Variants in RAP1GDS1 observed in about 807,000 individuals in gnomAD.
RAP1GDS1 encodes the protein RAP1, GTP-GDP dissociation stimulator 1.
Under a neutral mutation model 71.1 loss-of-function variants are expected in RAP1GDS1, and 35 were observed. That is an observed-to-expected ratio of 0.49 (90% CI 0.38 to 0.65). RAP1GDS1 has a LOEUF of 0.65. RAP1GDS1 is among the 30% of genes least tolerant of loss of function. The pLI, the probability that RAP1GDS1 is intolerant of heterozygous loss-of-function variation, is 0.00. For missense variants in RAP1GDS1, 663 were observed against 706.1 expected (o/e 0.94, Z 0.69); for synonymous variants, 229 against 243.1 (o/e 0.94, Z 0.54).
chr4:98,278,948 C>T (rs28472340), intron 1 of RAP1GDS1, among the ~76,000 whole-genome samples: 6,447 of 152,056 alleles, frequency 0.042, 321 homozygotes, highest in African/African-American at 0.12. Flanking sequence ...CTAGGCCGGG[C>T]GCGGTGGCTC....
chr4:98,289,571 A>G (rs924827600), intron 1 of RAP1GDS1, among the ~76,000 whole-genome samples: 2 of 150,346 alleles, frequency 1.3e-5, no homozygotes, highest in Non-Finnish European at 3.0e-5. Context: ...AAAAAAAAAA[A>G]AAAAGAAAGA....
intron 12 of RAP1GDS1, among the ~76,000 whole-genome samples, chr4:98,422,757 G>A (rs1451000581): frequency 6.6e-6 from 1 of 152,216 alleles, no homozygotes; most frequent in Non-Finnish European, 1.5e-5. Flanking sequence ...AGCCTCAGGA[G>A]TGTTCTTCTC....
intron 2 of RAP1GDS1, among the ~76,000 whole-genome samples, chr4:98,334,933 A>AG (rs1270278971): frequency 2.6e-5 from 4 of 151,544 alleles, no homozygotes; most frequent in African/African-American, 7.3e-5. Flanking sequence ...AAAAAAAAAA[A>AG]AGAGATGGGG....
chr4:98,437,791 CA>C (rs374755985), intron 14 of RAP1GDS1, among the ~76,000 whole-genome samples: 12,457 of 124,758 alleles, frequency 0.1, 573 homozygotes, highest in Admixed American at 0.17. Flanking sequence ...GACTCTGTCT[CA>C]AAAAAAAAAA....
At chr4:98,333,393 T>C (rs966473552) in intron 2 of RAP1GDS1, among the ~76,000 whole-genome samples, 1 of 152,208 alleles carries the variant, frequency 6.6e-6, no homozygotes, top group African/African-American at 2.4e-5. Context: ...TCAGTACTTT[T>C]ATAGATGAGA....
At chr4:98,346,801 C>T (rs1736372642) in intron 3 of RAP1GDS1, among the ~76,000 whole-genome samples, 1 of 152,168 alleles carries the variant, frequency 6.6e-6, no homozygotes, top group South Asian at 2.1e-4. Flanking sequence ...ACCTTGGTCT[C>T]CCAAAGTGCT....
intron 1 of RAP1GDS1, among the ~76,000 whole-genome samples, chr4:98,291,458 C>T (rs1247911483): frequency 6.6e-6 from 1 of 152,210 alleles, no homozygotes; most frequent in Non-Finnish European, 1.5e-5. Flanking sequence ...TCTGGAATTA[C>T]ACAAAAAGTA....
At chr4:98,422,148 C>T (rs1326452989) in intron 12 of RAP1GDS1, among the ~76,000 whole-genome samples, 1 of 151,932 alleles carries the variant, frequency 6.6e-6, no homozygotes, top group Non-Finnish European at 1.5e-5. Context: ...TGCAGAGAGC[C>T]GAGATTGCAC....
intron 14 of RAP1GDS1, among the ~76,000 whole-genome samples, chr4:98,439,353 C>T (rs971873089): frequency 5.3e-5 from 8 of 152,146 alleles, no homozygotes; most frequent in Admixed American, 1.3e-4. Flanking sequence ...ACTTTCTTTG[C>T]GTTTAGTATT....
intron 4 of RAP1GDS1, among the ~76,000 whole-genome samples, chr4:98,367,740 C>G: frequency 6.6e-6 from 1 of 152,226 alleles, no homozygotes; most frequent in East Asian, 1.9e-4. Context: ...TTCAGACTTG[C>G]ATGCAGCCTG....
chr4:98,384,190 C>T (rs1409581710), intron 5 of RAP1GDS1, among the ~76,000 whole-genome samples: 1 of 149,562 alleles, frequency 6.7e-6, no homozygotes, highest in Non-Finnish European at 1.5e-5. Context: ...TTTTATTTTT[C>T]CTCTATTTAT....
chr4:98,433,441 T>G (rs1750719838), intron 12 of RAP1GDS1, among the ~76,000 whole-genome samples: 1 of 152,092 alleles, frequency 6.6e-6, no homozygotes, highest in Non-Finnish European at 1.5e-5. Flanking sequence ...ACTGCAGATG[T>G]GTGCCACCAT....
chr4:98,368,819 A>G (rs992441705), intron 4 of RAP1GDS1, among the ~76,000 whole-genome samples: 6 of 152,200 alleles, frequency 3.9e-5, no homozygotes, highest in African/African-American at 1.2e-4. Flanking sequence ...TAAATCAGCT[A>G]AAGTTCCACT....
intron 4 of RAP1GDS1, among the ~76,000 whole-genome samples, chr4:98,362,293 G>A (rs965897460): frequency 2.0e-5 from 3 of 152,066 alleles, no homozygotes; most frequent in East Asian, 1.9e-4. Flanking sequence ...TAGCCTGGGC[G>A]TCATAGCAAG....
chr4:98,389,931 G>T (rs1305330749), intron 5 of RAP1GDS1, among the ~76,000 whole-genome samples: 1 of 152,058 alleles, frequency 6.6e-6, no homozygotes, highest in African/African-American at 2.4e-5. Context: ...GAACTGAGGG[G>T]GTGTGTGATG....
At chr4:98,435,989 T>G (rs1295582473) in intron 13 of RAP1GDS1, among the ~76,000 whole-genome samples, 1 of 151,094 alleles carries the variant, frequency 6.6e-6, no homozygotes, top group Non-Finnish European at 1.5e-5. Flanking sequence ...GAGAATGGCG[T>G]GAACCCAGGA....
intron 2 of RAP1GDS1, among the ~76,000 whole-genome samples, chr4:98,334,938 A>T (rs1036147608): frequency 1.3e-5 from 2 of 148,472 alleles, no homozygotes; most frequent in African/African-American, 2.5e-5. Context: ...AAAAAAAGAG[A>T]TGGGGAAGGT....
intron 14 of RAP1GDS1, chr4:98,441,398 A>G: frequency 1.0e-6 from 1 of 984,974 alleles, no homozygotes. Flanking sequence ...AATTTGTTGA[A>G]GGATATGAAG....
intron 6 of RAP1GDS1, among the ~76,000 whole-genome samples, chr4:98,393,830 CATG>C (rs1486689568): frequency 6.6e-6 from 1 of 152,128 alleles, no homozygotes; most frequent in Non-Finnish European, 1.5e-5. Context: ...TGCATGTTGA[CATG>C]ATAATTTGAA....
Sources: allele counts gnomAD v4.1 joint callset (sites outside exome capture counted in the v4.1 genomes callset), GRCh38; gene constraint gnomAD v4.1.1; transcripts MANE v1.5; gene names NCBI Gene and HGNC (gene_info 2026-07-23, HGNC 2026-07-21).